Variants in SGCZ observed in about 807,000 individuals in gnomAD.
The protein encoded by SGCZ is sarcoglycan zeta.
Under a neutral mutation model 41.3 loss-of-function variants are expected in SGCZ, and 40 were observed. That is an observed-to-expected ratio of 0.97 (90% CI 0.75 to 1.26). The LOEUF (loss-of-function observed/expected upper bound fraction) is 1.26, where lower values mean the gene tolerates loss of function less well. Ranked by LOEUF, SGCZ falls within the 50% of genes most tolerant of loss-of-function variation. SGCZ has a pLI of 0.00. For synonymous variants in SGCZ, 206 were observed against 137.5 expected, an observed-to-expected ratio of 1.50 and a Z score of -3.49; for missense variants, 552 against 369.8, an observed-to-expected ratio of 1.49 and a Z score of -4.04.
chr8:14,403,666 T>A (rs183487217), intron 2 of SGCZ, among the ~76,000 whole-genome samples: 1 of 152,158 alleles, frequency 6.6e-6, no homozygotes, highest in Non-Finnish European at 1.5e-5. Context: ...AAAAAACTTA[T>A]TTTCATAAGT....
In SGCZ at chr8:15,236,636, G is replaced by T. The variant is rs1008588527; in HGVS notation, c.39+949C>A. Among the ~76,000 whole-genome samples, 10 of 152,050 alleles carry T rather than the reference G, an allele frequency of 6.6e-5. No individual in the cohort carries two copies. In the East Asian group the frequency reaches 1.7e-3, roughly 26 times the overall value. Reference sequence around the variant, plus strand: ...ATTTAAAGTATTTTGTGGTTTGTTGGTTTTTTAAAGTTTTTATTTATTGTG... The same window carrying T: ...ATTTAAAGTATTTTGTGGTTTGTTGTTTTTTTAAAGTTTTTATTTATTGTG... On this transcript the variant is annotated intron_variant, in intron 1 of 7. Coordinates refer to ENST00000382080, the MANE Select transcript of SGCZ (RefSeq NM_139167.4).
intron 1 of SGCZ, among the ~76,000 whole-genome samples, chr8:15,119,323 C>G (rs1454581): frequency 0.17 from 25,144 of 151,918 alleles, 2,293 homozygotes; most frequent in Non-Finnish European, 0.21. Context: ...TTGAGCTCAG[C>G]AATTTGAGGC....
At chr8:14,344,623 G>A (rs1802829429) in intron 2 of SGCZ, among the ~76,000 whole-genome samples, 1 of 152,036 alleles carries the variant, frequency 6.6e-6, no homozygotes. Context: ...GCTTAGAAAA[G>A]CAGAAATAAA....
intron 1 of SGCZ, among the ~76,000 whole-genome samples, chr8:14,742,961 G>T (rs115766772): frequency 6.6e-6 from 1 of 152,036 alleles, no homozygotes; most frequent in Non-Finnish European, 1.5e-5. Flanking sequence ...AGGAAACTGC[G>T]TTTGCTACAA....
chr8:14,248,141 TC>T (rs1799169774), intron 3 of SGCZ, among the ~76,000 whole-genome samples: 1 of 152,162 alleles, frequency 6.6e-6, no homozygotes, highest in African/African-American at 2.4e-5. Context: ...AGAATGGAAC[TC>T]CCCAGTGGTG....
chr8:14,943,573 G>C (rs1800345618), intron 1 of SGCZ, among the ~76,000 whole-genome samples: 1 of 152,024 alleles, frequency 6.6e-6, no homozygotes, highest in South Asian at 2.1e-4. Flanking sequence ...TGTTTTCTTT[G>C]TTAACTTTTA....
At chr8:14,308,699 T>A (rs1356596029) in intron 3 of SGCZ, among the ~76,000 whole-genome samples, 4 of 152,118 alleles carry the variant, frequency 2.6e-5, no homozygotes, top group African/African-American at 9.7e-5. Flanking sequence ...AGTATGAAGA[T>A]ACCGTGTGTT....
chr8:14,794,002 A>G (rs1052099791), intron 1 of SGCZ, among the ~76,000 whole-genome samples: 1 of 152,228 alleles, frequency 6.6e-6, no homozygotes, highest in Non-Finnish European at 1.5e-5. Context: ...AAAAACTGGA[A>G]TACTGTACTT....
chr8:14,893,013 C>A (rs560730197), intron 1 of SGCZ, among the ~76,000 whole-genome samples: 1 of 152,234 alleles, frequency 6.6e-6, no homozygotes, highest in East Asian at 1.9e-4. Flanking sequence ...GAATGACAGA[C>A]GTCTACATCC....
At chr8:14,724,704 T>C (rs570692674) in intron 1 of SGCZ, among the ~76,000 whole-genome samples, 1 of 150,766 alleles carries the variant, frequency 6.6e-6, no homozygotes, top group African/African-American at 2.4e-5. Context: ...TATATATGCA[T>C]ATTTATTTTT....
intron 1 of SGCZ, among the ~76,000 whole-genome samples, chr8:15,121,402 C>A (rs1585585138): frequency 6.6e-6 from 1 of 152,234 alleles, no homozygotes; most frequent in East Asian, 1.9e-4. Flanking sequence ...CTCAATGGAA[C>A]ATCAAAGGCT....
intron 5 of SGCZ, among the ~76,000 whole-genome samples, chr8:14,125,797 T>TG (rs992016467): frequency 6.6e-6 from 1 of 151,966 alleles, no homozygotes; most frequent in African/African-American, 2.4e-5. Flanking sequence ...TGGAACACAA[T>TG]GGAGATACCA....
intron 1 of SGCZ, among the ~76,000 whole-genome samples, chr8:14,788,479 G>A (rs13272315): frequency 0.36 from 53,969 of 151,988 alleles, 11,735 homozygotes; most frequent in East Asian, 0.51. Flanking sequence ...TTTTGTTGGG[G>A]CAGCTATTGT....
chr8:14,375,916 TC>T (rs1804104658), intron 2 of SGCZ, among the ~76,000 whole-genome samples: 1 of 152,198 alleles, frequency 6.6e-6, no homozygotes, highest in Admixed American at 6.5e-5. Flanking sequence ...AATTATCATA[TC>T]AAAATGCTGG....
intron 2 of SGCZ, among the ~76,000 whole-genome samples, chr8:14,371,916 T>G (rs973332596): frequency 1.3e-5 from 2 of 152,048 alleles, no homozygotes; most frequent in Non-Finnish European, 2.9e-5. Context: ...GAGATCAATA[T>G]AGGCTGGAAT....
intron 2 of SGCZ, among the ~76,000 whole-genome samples, chr8:14,353,445 C>G (rs17119156): frequency 0.015 from 2,247 of 152,154 alleles, 57 homozygotes; most frequent in African/African-American, 0.051. Flanking sequence ...ACCCAGACCA[C>G]TATTTTCAAC....
chr8:14,109,821 A>G (rs545750069), intron 5 of SGCZ, among the ~76,000 whole-genome samples: 16 of 152,242 alleles, frequency 1.1e-4, no homozygotes, highest in Non-Finnish European at 2.1e-4. Context: ...TTTCATCTAT[A>G]TTATGCTGCT....
chr8:14,375,820 C>A (rs1048984827), intron 2 of SGCZ, among the ~76,000 whole-genome samples: 4 of 151,714 alleles, frequency 2.6e-5, no homozygotes, highest in African/African-American at 9.7e-5. Flanking sequence ...AGAAGCAGAA[C>A]AATAAATAAA....
intron 3 of SGCZ, among the ~76,000 whole-genome samples, chr8:14,244,230 T>C (rs1242246337): frequency 6.7e-6 from 1 of 150,052 alleles, no homozygotes; most frequent in Non-Finnish European, 1.5e-5. Context: ...TCCTCCTCCT[T>C]CTCTTCCTTC....
Sources: allele counts gnomAD v4.1 joint callset (sites outside exome capture counted in the v4.1 genomes callset), GRCh38; gene constraint gnomAD v4.1.1; transcripts MANE v1.5; gene names NCBI Gene and HGNC (gene_info 2026-07-23, HGNC 2026-07-21).